BRCC3: variants seen among roughly 807,000 people sequenced by gnomAD.
BRCC3 encodes BRCA1/BRCA2-containing complex subunit 3.
BRCC3 carries 15 observed loss-of-function variants against 28.0 expected under a neutral mutation model. The observed-to-expected ratio is 0.54, with a 90% confidence interval of 0.36 to 0.82. The LOEUF (loss-of-function observed/expected upper bound fraction) is 0.82, where lower values mean the gene tolerates loss of function less well. Ranked by LOEUF, BRCC3 falls within the 40% of genes least tolerant of loss-of-function variation. The pLI, the probability that BRCC3 is intolerant of heterozygous loss-of-function variation, is 0.01. For synonymous variants in BRCC3, 66 were observed against 80.3 expected (o/e 0.82, Z 0.95); for missense variants, 109 against 225.9 (o/e 0.48, Z 3.32).
At chrX:155,120,245 G>C in intron 10 of BRCC3, 77 bp downstream of exon 10, 1 of 783,632 alleles carries the variant, frequency 1.3e-6, no homozygotes, top group African/African-American at 2.1e-5. Flanking sequence ...GCAGACAATA[G>C]AGTAGTTATT....
intron 3 of BRCC3, among the ~76,000 whole-genome samples, chrX:155,075,294 CTGGCCCTTCTTGTTCTTCCCCACACTAAA>C (rs2074026943): frequency 9.1e-6 from 1 of 110,294 alleles, no homozygotes; most frequent in South Asian, 3.7e-4. Flanking sequence ...ACTCTTTCCC[CTGGCCCTTCTTGTTCTTCCCCACACTAAA>C]TGTGGCCACT....
rs2073982661 is a variant in BRCC3, at chrX:155,071,607, T to C, written c.80T>C (p.Leu27Pro). The change falls in exon 1 of 11, where the codon CTG (leucine) becomes CCG (proline). Residue 27 changes from leucine (L) to proline (P), a missense_variant. By Grantham distance (98) the Leu-to-Pro change is moderately conservative. Around this residue, in one of 3 missense-constraint regions of BRCC3, gnomAD observed 58 missense variants for 92.8 expected, o/e 0.63. Coordinates refer to ENST00000330045, the MANE Select transcript of BRCC3 (RefSeq NM_001018055.3). Reference sequence around the variant, plus strand: ...TTCCTCGTTTGTCTCAACCACGCTCTGAGCACAGAGAAGGAGGAAGTAATG... The same window carrying C: ...TTCCTCGTTTGTCTCAACCACGCTCCGAGCACAGAGAAGGAGGAAGTAATG... The part of the protein sequence containing the change: ...DAFLVCLNHA[L>P]STEKEEVMGL... 8.3e-7 allele frequency: 1 copy of C among 1,209,035 alleles called. No homozygotes were observed. The highest frequency in any genetic ancestry group is 1.7e-5 in the African/African-American group (1 of 57,322).
chrX:155,120,042 G>A lies in BRCC3; in HGVS notation c.768G>A (p.Gly256=). ...NLCSQMSAVS[G]PLLQWLEDRL... is the part of the protein sequence containing the mutation. ...GCAGTCAGATGTCGGCAGTCAGCGG[G>A]CCTCTCCTACAGTGGTTGGAGGACA... Residue 256 remains glycine (G), a synonymous_variant, in exon 10 of 11, where the codon GGG becomes GGA. Coordinates refer to ENST00000330045, the MANE Select transcript of BRCC3 (RefSeq NM_001018055.3). 2 of 1,207,706 alleles carry A rather than the reference G, an allele frequency of 1.7e-6. No individual in the cohort carries two copies. Among genetic ancestry groups the A allele is most frequent in the Non-Finnish European group, 2.2e-6 (2 of 892,950 alleles).
intron 7 of BRCC3, among the ~76,000 whole-genome samples, chrX:155,109,238 C>T (rs5945290): frequency 0.058 from 6,421 of 111,436 alleles, 211 homozygotes; most frequent in African/African-American, 0.13. Flanking sequence ...TGATGATATG[C>T]GGTAACATTA....
In BRCC3 at chrX:155,108,897, C is replaced by T. The variant is rs782185976; in HGVS notation, c.549-7160C>T. ...AGTCCAAATTATCTTTTTATCTTTT[C>T]GATCTAGTGCTTTTTAGTGTCCTAC... On this transcript the variant is annotated intron_variant, in intron 7 of 10. Transcript: ENST00000330045. Among the ~76,000 whole-genome samples the T allele has an allele frequency of 9.0e-5, 10 of 111,404 alleles. No homozygotes were observed. The South Asian group carries it at 3.7e-3, about 41-fold the overall frequency.
At chrX:155,074,306 C>T (rs2074011496) in intron 3 of BRCC3, among the ~76,000 whole-genome samples, 1 of 112,187 alleles carries the variant, frequency 8.9e-6, no homozygotes, top group Admixed American at 9.4e-5. Flanking sequence ...TATATCCTTC[C>T]TTTAATAGCC....
At chrX:155,116,604 A>C (rs2074357798) in intron 8 of BRCC3, 107 bp from the exon 9 acceptor site, 10 of 451,270 alleles carry the variant, frequency 2.2e-5, no homozygotes, top group Admixed American at 8.5e-5. Context: ...TTGGGGATTT[A>C]AATACTACAT....
intron 7 of BRCC3, among the ~76,000 whole-genome samples, chrX:155,094,200 C>CT (rs1166539115): frequency 9.0e-6 from 1 of 110,999 alleles, no homozygotes; most frequent in East Asian, 2.8e-4. Flanking sequence ...GGAGCCAGCT[C>CT]TTTTGTTCAG....
Position 155,122,841 on chromosome X carries a change from T to C in BRCC3, c.*1637T>C, listed in dbSNP as rs782465306. 7 of 111,657 alleles carry C rather than the reference T, an allele frequency of 6.3e-5. No homozygotes were observed. The highest frequency in any genetic ancestry group is 9.4e-5 in the Non-Finnish European group (5 of 53,081). 9.2% of individuals were successfully genotyped at this position (111,657 alleles called of 1,213,427 possible). On this transcript the variant is annotated 3_prime_UTR_variant, in exon 11 of 11. Coordinates refer to ENST00000330045, the MANE Select transcript of BRCC3 (RefSeq NM_001018055.3). The stretch of plus-strand genomic sequence containing the variant: ...ATTAATGGTTGCCAGGGATAGGGAC[T>C]GGAGGGGGTGTGGGGTATGTATGAC...
At chrX:155,107,841 A>G (rs990883878) in intron 7 of BRCC3, among the ~76,000 whole-genome samples, 2 of 111,460 alleles carry the variant, frequency 1.8e-5, no homozygotes, top group African/African-American at 6.5e-5. Context: ...ATACATTCTG[A>G]CCTGTGAGCT....
At chrX:155,107,411 C>T (rs1557297656) in intron 7 of BRCC3, among the ~76,000 whole-genome samples, 3 of 109,846 alleles carry the variant, frequency 2.7e-5, no homozygotes, top group African/African-American at 9.9e-5. Context: ...TAAAATGATC[C>T]TGCTCCCTAA....
rs782815933 is a variant in BRCC3 at position 155,104,564 on chromosome X, G to T, written c.549-11493G>T. Among the ~76,000 whole-genome samples the T allele has an allele frequency of 3.6e-5, 4 of 112,367 alleles. No individual in the cohort carries two copies. In the South Asian group the frequency reaches 1.1e-3, roughly 31 times the overall value. On this transcript the variant is annotated intron_variant, in intron 7 of 10. Transcript: ENST00000330045. ...GTTCACTGGAGGGTCTGGACATGTT[G>T]TTTCTCTTCCTATGCAGCTCTTTCC...
chrX:155,119,972 T>G, intron 9 of BRCC3, 27 bp from the exon 10 acceptor site: 1 of 1,187,177 alleles, frequency 8.4e-7, no homozygotes, highest in Non-Finnish European at 1.1e-6. Context: ...TCCACAATTA[T>G]TCTCATCTTT....
At chrX:155,096,374 C>A (rs914116472) in intron 7 of BRCC3, among the ~76,000 whole-genome samples, 2 of 112,003 alleles carry the variant, frequency 1.8e-5, no homozygotes, top group African/African-American at 3.2e-5. Flanking sequence ...TACTAAATGC[C>A]GCTGAATTGT....
At chrX:155,074,489 C>G (rs1734480474) in intron 3 of BRCC3, among the ~76,000 whole-genome samples, 3 of 111,431 alleles carry the variant, frequency 2.7e-5, no homozygotes, top group Admixed American at 1.9e-4. Context: ...GTTGTATTGC[C>G]TTTATTCCTG....
intron 7 of BRCC3, among the ~76,000 whole-genome samples, chrX:155,097,911 G>T (rs1473092683): frequency 4.5e-5 from 5 of 111,574 alleles, no homozygotes; most frequent in African/African-American, 1.6e-4. Flanking sequence ...CAGGAGAAAG[G>T]CGTGAACCCG....
At chrX:155,095,983 ATGT>A (rs1329032790) in intron 7 of BRCC3, among the ~76,000 whole-genome samples, 1 of 112,064 alleles carries the variant, frequency 8.9e-6, no homozygotes, top group Non-Finnish European at 1.9e-5. Flanking sequence ...ACACTGTATG[ATGT>A]TTTAATGACA....
chrX:155,077,400 G>A, intron 4 of BRCC3, 111 bp downstream of exon 4: 3 of 719,799 alleles, frequency 4.2e-6, no homozygotes, highest in Non-Finnish European at 5.6e-6. Flanking sequence ...TCTTCCCTTA[G>A]ATCCAATTGT....
chrX:155,099,769 A>G (rs1401602243), intron 7 of BRCC3, among the ~76,000 whole-genome samples: 1 of 111,812 alleles, frequency 8.9e-6, no homozygotes, highest in African/African-American at 3.3e-5. Context: ...AAATATAGCA[A>G]GATCTTGAGT....
Sources: gnomAD v4.1 joint callset for allele counts (sites outside exome capture counted in the v4.1 genomes callset) on GRCh38, gnomAD v4.1.1 for gene constraint, gnomAD v4.1.1 regional missense constraint, MANE v1.5 for transcripts, NCBI Gene and HGNC (gene_info 2026-07-23, HGNC 2026-07-21) for gene names.